The following NEUROD4 variants were observed in gnomAD, a reference collection of about 807,000 sequenced individuals.
NEUROD4 encodes the protein neurogenic differentiation factor 4.
Under a neutral mutation model 19.8 loss-of-function variants are expected in NEUROD4, and 16 were observed. The observed-to-expected ratio is 0.81, with a 90% confidence interval of 0.55 to 1.23. NEUROD4 has a LOEUF of 1.23. Among genes scored for constraint, NEUROD4 ranks in the 50% most tolerant of loss-of-function variants. The pLI is 0.00. For synonymous variants in NEUROD4, 153 were observed against 147.9 expected (o/e 1.03, Z -0.25); for missense variants, 439 against 398.6 (o/e 1.10, Z -0.86).
chr12:55,022,440 T>A (rs924291817), intron 1 of NEUROD4, among the ~76,000 whole-genome samples: 1 of 152,170 alleles, frequency 6.6e-6, no homozygotes, highest in African/African-American at 2.4e-5. Context: ...TTTGATGCAT[T>A]GAAAATATTT....
At position 55,026,784 on chromosome 12, in the gene NEUROD4, A is replaced by C. The variant is rs1952737894; in HGVS notation, c.345A>C (p.Pro115=). Residue 115 remains proline, a synonymous_variant, in exon 2 of 2, where the codon CCA becomes CCC. Transcript: ENST00000242994. ...DALDNLRRVM[P]CYSKTQKLSK... ...TGGATAACCTGAGGCGAGTCATGCC[A>C]TGCTACTCTAAAACCCAAAAACTTT... The C allele has an allele frequency of 6.2e-7, 1 of 1,614,052 alleles. No homozygotes were observed. The highest frequency in any genetic ancestry group is 1.3e-5 in the African/African-American group (1 of 74,928).
chr12:55,023,413 G>A lies in NEUROD4; in HGVS notation c.-9-3018G>A, dbSNP rs577976535. Among the ~76,000 whole-genome samples the A allele has an allele frequency of 1.4e-4, 22 of 152,152 alleles. No individual in the cohort carries two copies. The South Asian group carries it at 4.4e-3, about 30-fold the overall frequency. ...ACCCAAGAATAAACAGGAAATAAATGTATAGATGTTTTATAGCATTTACAG... is the reference window on the plus strand; with the variant it reads ...ACCCAAGAATAAACAGGAAATAAATATATAGATGTTTTATAGCATTTACAG... On this transcript the variant is annotated intron_variant, in intron 1 of 1. Coordinates refer to ENST00000242994, the MANE Select transcript of NEUROD4 (RefSeq NM_021191.3).
intron 1 of NEUROD4, among the ~76,000 whole-genome samples, chr12:55,021,875 T>C (rs1952675726): frequency 6.6e-6 from 1 of 152,084 alleles, no homozygotes; most frequent in African/African-American, 2.4e-5. Context: ...TTCTGCCCCT[T>C]GAGCCAGTAT....
Position 55,028,820 on chromosome 12 carries a change from CAGA to C in NEUROD4, c.*1386_*1388del, listed in dbSNP as rs1952762959. On this transcript the variant is annotated 3_prime_UTR_variant, in exon 2 of 2. Coordinates refer to ENST00000242994, the MANE Select transcript of NEUROD4 (RefSeq NM_021191.3). ...TTCATCACAGGTTTAACCCAATTTGCAGAGTGTTTATTTTTCTTTATGTAACTC... is the reference window on the plus strand; with the variant it reads ...TTCATCACAGGTTTAACCCAATTTGCGTGTTTATTTTTCTTTATGTAACTC... 6.0e-6 allele frequency: 1 copy of C among 166,990 alleles called. No individual in the cohort carries two copies. The highest frequency in any genetic ancestry group is 1.9e-4 in the East Asian group (1 of 5,200). The allele number at this position is 166,990 out of a possible 1,614,324, so 10.3% of individuals were successfully genotyped here.
rs1952764689 is a variant in NEUROD4 at position 55,028,946 on chromosome 12, C to A, written c.*1511C>A. ...TCCTATCTTGTTCAATCAGCCAGGA[C>A]AGTTATTTAAGTCAAACCAGAGCCT... On this transcript the variant is annotated 3_prime_UTR_variant, in exon 2 of 2. Transcript: ENST00000242994. 1 of 166,876 alleles carries A rather than the reference C, an allele frequency of 6.0e-6. No homozygotes were observed. Among genetic ancestry groups the A allele is most frequent in the African/African-American group, 2.4e-5 (1 of 41,360 alleles). The allele number at this position is 166,876 out of a possible 1,614,324, so 10.3% of individuals were successfully genotyped here.
At chr12:55,025,883 T>C (rs66509544) in intron 1 of NEUROD4, among the ~76,000 whole-genome samples, 3,065 of 152,308 alleles carry the variant, frequency 0.02, 53 homozygotes, top group South Asian at 0.027. Flanking sequence ...TGAGTAGTCT[T>C]TTGTAGAACA....
chr12:55,023,548 G>T (rs1952690345), intron 1 of NEUROD4, among the ~76,000 whole-genome samples: 2 of 152,086 alleles, frequency 1.3e-5, no homozygotes, highest in African/African-American at 4.8e-5. Flanking sequence ...TAATGTGTTT[G>T]GGATCAACAA....
chr12:55,023,645 G>T (rs780770074), intron 1 of NEUROD4, among the ~76,000 whole-genome samples: 5 of 152,104 alleles, frequency 3.3e-5, no homozygotes, highest in Non-Finnish European at 4.4e-5. Flanking sequence ...ATACTCATGG[G>T]ATTCTCTTGG....
intron 1 of NEUROD4, 71 bp from the exon 2 acceptor site, chr12:55,026,360 T>C (rs1952728307): frequency 3.0e-6 from 4 of 1,317,606 alleles, no homozygotes; most frequent in Non-Finnish European, 3.1e-6. Flanking sequence ...GATAATTACA[T>C]ATAAAAAACT....
chr12:55,027,328 C>A lies in NEUROD4; in HGVS notation c.889C>A (p.Pro297Thr). The A allele has an allele frequency of 6.2e-7, 1 of 1,614,152 alleles. No individual in the cohort carries two copies. The highest frequency in any genetic ancestry group is 8.5e-7 in the Non-Finnish European group (1 of 1,180,012). ...SLSSGHVHSTPFQAGTPRYDV... is the reference protein window; with the variant it reads ...SLSSGHVHSTTFQAGTPRYDV... ...AAGCTCAGGGCATGTGCATTCAACT[C>A]CTTTTCAGGCTGGTACCCCCCGTTA... The change falls in exon 2 of 2, where the codon CCT (proline) becomes ACT (threonine). Residue 297 changes from proline to threonine, a missense_variant. Physicochemically the swap from Pro to Thr is conservative, Grantham distance 38 (BLOSUM62 -1). Coordinates refer to ENST00000242994, the MANE Select transcript of NEUROD4 (RefSeq NM_021191.3).
Position 55,028,907 on chromosome 12 carries a change from G to A in NEUROD4, c.*1472G>A, listed in dbSNP as rs922663040. The A allele has an allele frequency of 6.0e-6, 1 of 166,654 alleles. No individual in the cohort carries two copies. The highest frequency in any genetic ancestry group is 2.4e-5 in the African/African-American group (1 of 41,314). The allele number at this position is 166,654 out of a possible 1,614,324, so 10.3% of individuals were successfully genotyped here. The stretch of plus-strand genomic sequence containing the variant: ...ATTTGTATTTTTTTTCAGAAAATGG[G>A]ACCTGAGAAATTTTCCTATCTTGTT... On this transcript the variant is annotated 3_prime_UTR_variant, in exon 2 of 2. Transcript: ENST00000242994.
intron 1 of NEUROD4, among the ~76,000 whole-genome samples, chr12:55,020,855 T>C (rs1039865770): frequency 6.6e-6 from 1 of 152,170 alleles, no homozygotes; most frequent in African/African-American, 2.4e-5. Flanking sequence ...GCTTGAATAG[T>C]TGGCACAGGG....
rs761257223 is a variant in NEUROD4, at chr12:55,027,252, T to C, written c.813T>C (p.Pro271=). The C allele has an allele frequency of 8.1e-6, 13 of 1,614,146 alleles. No individual in the cohort carries two copies. The East Asian group carries it at 2.9e-4, about 36-fold the overall frequency. ...GNFSLKQDGS[P]DLEKSYSFMP... ...TCTCCTTGAAGCAAGATGGGTCTCC[T>C]GACCTAGAAAAATCCTACAGCTTCA... The change falls in exon 2 of 2, where the codon CCT becomes CCC. Residue 271 remains proline (P), a synonymous_variant. Transcript: ENST00000242994.
intron 1 of NEUROD4, among the ~76,000 whole-genome samples, chr12:55,025,845 T>A (rs1394734341): frequency 6.6e-6 from 1 of 152,218 alleles, no homozygotes; most frequent in Non-Finnish European, 1.5e-5. Context: ...ATAGGCTAGA[T>A]GGATGTGAAA....
chr12:55,023,446 AT>A (rs1952689537), intron 1 of NEUROD4, among the ~76,000 whole-genome samples: 1 of 152,294 alleles, frequency 6.6e-6, no homozygotes, highest in South Asian at 2.1e-4. Flanking sequence ...CAGCTATAAA[AT>A]TTTTTATTAT....
rs1284953794 is a variant in NEUROD4, at chr12:55,028,778, T to C, written c.*1343T>C. Reference sequence around the variant, plus strand: ...AAATGAAATCCAAGGTTGGTGAATATTTTTACCAACTATGTCTTCATCACA... The same window carrying C: ...AAATGAAATCCAAGGTTGGTGAATACTTTTACCAACTATGTCTTCATCACA... On this transcript the variant is annotated 3_prime_UTR_variant, in exon 2 of 2. Coordinates refer to ENST00000242994, the MANE Select transcript of NEUROD4 (RefSeq NM_021191.3). 6.0e-6 allele frequency: 1 copy of C among 167,090 alleles called. No individual in the cohort carries two copies. The highest frequency in any genetic ancestry group is 2.4e-5 in the African/African-American group (1 of 41,476). 10.4% of individuals were successfully genotyped at this position (167,090 alleles called of 1,614,324 possible).
chr12:55,023,526 G>T (rs1477919756), intron 1 of NEUROD4, among the ~76,000 whole-genome samples: 1 of 152,182 alleles, frequency 6.6e-6, no homozygotes, highest in Non-Finnish European at 1.5e-5. Flanking sequence ...TGGAAGAACA[G>T]ATAACTTTAT....
rs542698964 is a variant in NEUROD4 at position 55,023,561 on chromosome 12, C to T, written c.-9-2870C>T. ...TATAATGTGTTTGGGATCAACAACCCAGGAATTAGAAGAATTGGGACTAGA... is the reference window on the plus strand; with the variant it reads ...TATAATGTGTTTGGGATCAACAACCTAGGAATTAGAAGAATTGGGACTAGA... On this transcript the variant is annotated intron_variant, in intron 1 of 1. Coordinates refer to ENST00000242994, the MANE Select transcript of NEUROD4 (RefSeq NM_021191.3). 4.2e-4 allele frequency among the ~76,000 whole-genome samples: 64 copies of T among 152,188 alleles called. 1 individual carries two copies. The highest frequency in any genetic ancestry group is 1.5e-3 in the African/African-American group (62 of 41,542).
In NEUROD4 at chr12:55,023,525, A is replaced by G. The variant is rs572238027; in HGVS notation, c.-9-2906A>G. ...ATTTTATTAGAGGAAATGGAAGAAC[A>G]GATAACTTTATATAATGTGTTTGGG... On this transcript the variant is annotated intron_variant, in intron 1 of 1. Transcript: ENST00000242994. Among the ~76,000 whole-genome samples the G allele has an allele frequency of 5.9e-5, 9 of 152,348 alleles. No homozygotes were observed. The South Asian group carries it at 8.3e-4, about 14-fold the overall frequency.
Sources: gnomAD v4.1 joint callset for allele counts (sites outside exome capture counted in the v4.1 genomes callset) on GRCh38, gnomAD v4.1.1 for gene constraint, MANE v1.5 for transcripts, NCBI Gene and HGNC (gene_info 2026-07-23, HGNC 2026-07-21) for gene names.